The following CHRM3 variants were observed in gnomAD, a reference collection of about 807,000 sequenced individuals.
CHRM3 encodes muscarinic acetylcholine receptor M3.
Under a neutral mutation model 41.8 loss-of-function variants are expected in CHRM3, and 11 were observed. The ratio of observed to expected loss-of-function variants is 0.26; its 90% CI spans 0.17 to 0.44. CHRM3 has a LOEUF of 0.44. Among genes scored for constraint, CHRM3 ranks in the 20% least tolerant of loss-of-function variants. The pLI is 1.00. For synonymous variants in CHRM3, 297 were observed against 301.4 expected (o/e 0.99, Z 0.15); for missense variants, 571 against 745.4 (o/e 0.77, Z 2.72).
intron 5 of CHRM3, among the ~76,000 whole-genome samples, chr1:239,807,782 A>G (rs1470765340): frequency 1.6e-4 from 25 of 151,848 alleles, no homozygotes. Context: ...GCTGTAAGAA[A>G]CTGAGAGTAC....
At chr1:239,905,933 A>G (rs1558228656) in intron 6 of CHRM3, among the ~76,000 whole-genome samples, 1 of 152,216 alleles carries the variant, frequency 6.6e-6, no homozygotes, top group Admixed American at 6.5e-5. Flanking sequence ...AGTACTTTAT[A>G]TATGTTAAAA....
intron 3 of CHRM3, among the ~76,000 whole-genome samples, chr1:239,567,281 G>A (rs890606326): frequency 1.3e-5 from 2 of 149,664 alleles, no homozygotes; most frequent in Non-Finnish European, 3.0e-5. Flanking sequence ...AGTCCAGTCT[G>A]GGCAACACAG....
intron 1 of CHRM3, among the ~76,000 whole-genome samples, chr1:239,466,482 T>C (rs530843918): frequency 9.7e-4 from 147 of 152,228 alleles, no homozygotes; most frequent in Admixed American, 1.5e-3. Flanking sequence ...AGTTAAGTTT[T>C]GGGGGACTCA....
chr1:239,881,162 A>G (rs772291795), intron 6 of CHRM3, among the ~76,000 whole-genome samples: 2 of 151,148 alleles, frequency 1.3e-5, no homozygotes, highest in African/African-American at 2.4e-5. Flanking sequence ...GGGCGCCTGT[A>G]GTCCCAGCTT....
At chr1:239,580,702 T>TATATATATATATATATATATAC (rs1366394441) in intron 3 of CHRM3, among the ~76,000 whole-genome samples, 9 of 125,622 alleles carry the variant, frequency 7.2e-5, no homozygotes, top group Non-Finnish European at 1.3e-4. Flanking sequence ...TATATATATA[T>TATATATATATATATATATATAC]ATACACACAC....
chr1:239,739,300 C>T (rs1664646917), intron 5 of CHRM3, among the ~76,000 whole-genome samples: 1 of 152,124 alleles, frequency 6.6e-6, no homozygotes, highest in African/African-American at 2.4e-5. Flanking sequence ...CTTGCCGGGG[C>T]TATTAATAGG....
intron 3 of CHRM3, among the ~76,000 whole-genome samples, chr1:239,620,204 A>G (rs1275587474): frequency 6.6e-6 from 1 of 152,132 alleles, no homozygotes; most frequent in African/African-American, 2.4e-5. Flanking sequence ...TTTTTACTCA[A>G]TATGACAGAG....
At chr1:239,744,157 T>A (rs1361484141) in intron 5 of CHRM3, among the ~76,000 whole-genome samples, 1 of 151,968 alleles carries the variant, frequency 6.6e-6, no homozygotes, top group Non-Finnish European at 1.5e-5. Flanking sequence ...TCATTCAACA[T>A]GTATTCATTG....
At chr1:239,903,074 T>G (rs558674929) in intron 6 of CHRM3, among the ~76,000 whole-genome samples, 3 of 152,214 alleles carry the variant, frequency 2.0e-5, no homozygotes, top group Admixed American at 1.3e-4. Context: ...TAACCTAATA[T>G]AGAGAGCTAA....
intron 2 of CHRM3, among the ~76,000 whole-genome samples, chr1:239,502,771 C>A (rs147365108): frequency 0.013 from 1,960 of 152,010 alleles, 35 homozygotes; most frequent in South Asian, 0.038. Context: ...AAGTCAATAA[C>A]TGTGATACAC....
intron 4 of CHRM3, among the ~76,000 whole-genome samples, chr1:239,659,722 T>A (rs1673022458): frequency 6.6e-6 from 1 of 152,182 alleles, no homozygotes; most frequent in African/African-American, 2.4e-5. Context: ...GTTATTTAAG[T>A]GTATCTCCCC....
intron 2 of CHRM3, among the ~76,000 whole-genome samples, chr1:239,509,029 A>T (rs1052208107): frequency 1.3e-5 from 2 of 152,196 alleles, no homozygotes; most frequent in African/African-American, 4.8e-5. Context: ...GCCTCATCCT[A>T]TGTAAAATGC....
At chr1:239,501,929 T>A (rs1187734613) in intron 2 of CHRM3, among the ~76,000 whole-genome samples, 1 of 151,910 alleles carries the variant, frequency 6.6e-6, no homozygotes, top group Non-Finnish European at 1.5e-5. Context: ...GCAAAGGCGG[T>A]GCTAAGAGGA....
intron 5 of CHRM3, among the ~76,000 whole-genome samples, chr1:239,746,182 C>T (rs973013994): frequency 1.3e-5 from 2 of 152,144 alleles, no homozygotes; most frequent in South Asian, 2.1e-4. Flanking sequence ...CAAATACAAG[C>T]GGTAGGTGCC....
intron 3 of CHRM3, among the ~76,000 whole-genome samples, chr1:239,566,467 ATGT>A (rs1255450015): frequency 6.6e-6 from 1 of 152,172 alleles, no homozygotes; most frequent in Non-Finnish European, 1.5e-5. Flanking sequence ...GAAAGGGAAA[ATGT>A]TGTTATTAAA....
Position 239,908,628 on chromosome 1 carries a change from G to C in CHRM3, c.1177G>C (p.Glu393Gln). ...CTCATCGGACAACCTGCAGGTGCCT[G>C]AGGAGGAGCTGGGGATGGTGGACTT... ...LPSSDNLQVPEEELGMVDLER... is the reference protein window; with the variant it reads ...LPSSDNLQVPQEELGMVDLER... Residue 393 changes from glutamate (E) to glutamine (Q), a missense_variant, in exon 7 of 7, where the codon GAG becomes CAG. Glu to Gln is a conservative substitution (Grantham distance 29, BLOSUM62 2). Coordinates refer to ENST00000676153, the MANE Select transcript of CHRM3 (RefSeq NM_001375978.1). The surrounding 1 kb of genome is among the most constrained non-coding windows in gnomAD (Gnocchi z 7.2). 6 of 1,610,914 alleles carry C rather than the reference G, an allele frequency of 3.7e-6. No homozygotes were observed. The highest frequency in any genetic ancestry group is 4.2e-6 in the Non-Finnish European group (5 of 1,178,578).
At chr1:239,509,431 A>G (rs1429382263) in intron 2 of CHRM3, among the ~76,000 whole-genome samples, 1 of 152,198 alleles carries the variant, frequency 6.6e-6, no homozygotes, top group African/African-American at 2.4e-5. Flanking sequence ...AATGGCATCC[A>G]TGCATGTGAC....
chr1:239,616,427 C>A (rs1031559338), intron 3 of CHRM3, among the ~76,000 whole-genome samples: 10 of 152,134 alleles, frequency 6.6e-5, no homozygotes, highest in African/African-American at 2.4e-4. Context: ...TGCCTTTGAT[C>A]TATAGAGCCA....
intron 5 of CHRM3, among the ~76,000 whole-genome samples, chr1:239,699,661 G>A (rs1261494508): frequency 6.6e-6 from 1 of 152,092 alleles, no homozygotes; most frequent in Non-Finnish European, 1.5e-5. Flanking sequence ...AATAAAATTA[G>A]GATGTATGTC....
Sources: gnomAD v4.1 joint callset for allele counts (sites outside exome capture counted in the v4.1 genomes callset) on GRCh38, gnomAD v4.1.1 for gene constraint, Gnocchi (gnomAD v3.1) non-coding constraint, MANE v1.5 for transcripts, NCBI Gene and HGNC (gene_info 2026-07-23, HGNC 2026-07-21) for gene names.